CRACR2A: variants seen among roughly 807,000 people sequenced by gnomAD.
CRACR2A encodes the protein calcium release activated channel regulator 2A, also known as EF-hand calcium-binding domain-containing protein 4B.
A neutral mutation model predicts 90.5 loss-of-function variants in CRACR2A; 79 were observed. That is an observed-to-expected ratio of 0.87 (90% CI 0.73 to 1.05). The LOEUF (loss-of-function observed/expected upper bound fraction) is 1.05. CRACR2A is among the 50% of genes least tolerant of loss of function. The pLI, the probability that CRACR2A is intolerant of heterozygous loss-of-function variation, is 0.00. For synonymous variants in CRACR2A, 338 were observed against 356.7 expected, an observed-to-expected ratio of 0.95 and a Z score of 0.59; for missense variants, 823 against 897.2, an observed-to-expected ratio of 0.92 and a Z score of 1.06.
rs1944907097 is a variant in CRACR2A at position 3,656,328 on chromosome 12, T to C, written c.841A>G (p.Thr281Ala). 3.7e-6 allele frequency: 6 copies of C among 1,614,030 alleles called. No individual in the cohort carries two copies. In the South Asian group the frequency reaches 5.5e-5, roughly 15 times the overall value. ...LCKEQELEQL[T>A]QKQKRLEGQC... ...CAACATACCCTTTTCTGCTTCTGGGTGAGCTGCTCCAGCTCCTGCTCCTTA... is the reference window on the plus strand; with the variant it reads ...CAACATACCCTTTTCTGCTTCTGGGCGAGCTGCTCCAGCTCCTGCTCCTTA... Residue 281 changes from threonine (T) to alanine (A), a missense_variant, in exon 9 of 20, where the codon ACC becomes GCC. Thr to Ala is a moderately conservative substitution (Grantham distance 58). Transcript: ENST00000440314.
chr12:3,631,018 G>C (rs1053407488), intron 15 of CRACR2A, among the ~76,000 whole-genome samples: 4 of 152,210 alleles, frequency 2.6e-5, no homozygotes, highest in African/African-American at 9.6e-5. Flanking sequence ...TCTGGGGTTG[G>C]ATAGCTTTGG....
At chr12:3,700,865 A>C (rs945053098) in intron 3 of CRACR2A, among the ~76,000 whole-genome samples, 1 of 152,244 alleles carries the variant, frequency 6.6e-6, no homozygotes, top group Non-Finnish European at 1.5e-5. Context: ...TCTTGACTTA[A>C]TTGACATTTA....
chr12:3,741,092 C>T (rs1422955609), intron 1 of CRACR2A, among the ~76,000 whole-genome samples: 1 of 152,232 alleles, frequency 6.6e-6, no homozygotes. Context: ...GCAGGACACA[C>T]CCAGAATGAC....
At chr12:3,631,937 G>C (rs1944383318) in intron 15 of CRACR2A, among the ~76,000 whole-genome samples, 1 of 152,198 alleles carries the variant, frequency 6.6e-6, no homozygotes, top group Admixed American at 6.5e-5. Flanking sequence ...ACCCAGGCTT[G>C]GAGGCAGTCT....
intron 6 of CRACR2A, among the ~76,000 whole-genome samples, chr12:3,675,944 C>A (rs974299478): frequency 6.6e-6 from 1 of 152,172 alleles, no homozygotes; most frequent in Non-Finnish European, 1.5e-5. Context: ...ACTCTCTGCA[C>A]CCAGCAGAGA....
At chr12:3,634,592 G>A (rs147008543) in intron 14 of CRACR2A, among the ~76,000 whole-genome samples, 210 of 152,340 alleles carry the variant, frequency 1.4e-3, no homozygotes, top group Admixed American at 2.9e-3. Context: ...TTCATTCCAG[G>A]AGCTGCCGCT....
intron 10 of CRACR2A, among the ~76,000 whole-genome samples, chr12:3,649,014 T>A (rs1256656200): frequency 6.6e-6 from 1 of 150,680 alleles, no homozygotes; most frequent in African/African-American, 2.4e-5. Flanking sequence ...TTCTCACTCA[T>A]AGGTGGGAAT....
intron 11 of CRACR2A, among the ~76,000 whole-genome samples, chr12:3,647,285 C>T (rs1347132792): frequency 6.6e-6 from 1 of 151,390 alleles, no homozygotes; most frequent in African/African-American, 2.4e-5. Flanking sequence ...CTCCACCTCT[C>T]AGCTTTCATT....
At chr12:3,743,591 A>G (rs1247665716) in intron 1 of CRACR2A, among the ~76,000 whole-genome samples, 1 of 152,220 alleles carries the variant, frequency 6.6e-6, no homozygotes, top group East Asian at 1.9e-4. Context: ...GTCTGGTGTG[A>G]ACCCACACAA....
In CRACR2A at chr12:3,615,446, G is replaced by A. The variant is rs1867660405; in HGVS notation, c.2112-7C>T. On this transcript the variant is annotated splice_region_variant and splice_polypyrimidine_tract_variant and intron_variant, in intron 19 of 19. Transcript: ENST00000440314. Reference sequence around the variant, plus strand: ...TTCTTGCTCCTTGAGGAACCTGGGAGAGGGGAAGAGATCGTGTCAGTGATG... The same window carrying A: ...TTCTTGCTCCTTGAGGAACCTGGGAAAGGGGAAGAGATCGTGTCAGTGATG... 3.2e-6 allele frequency: 5 copies of A among 1,547,612 alleles called. No homozygotes were observed. Among genetic ancestry groups the A allele is most frequent in the Non-Finnish European group, 4.4e-6 (5 of 1,144,710 alleles).
At chr12:3,658,392 G>C (rs1944956629) in intron 8 of CRACR2A, among the ~76,000 whole-genome samples, 1 of 152,138 alleles carries the variant, frequency 6.6e-6, no homozygotes, top group Non-Finnish European at 1.5e-5. Flanking sequence ...GCGGGGAGGT[G>C]GGGTGGGGAG....
intron 8 of CRACR2A, among the ~76,000 whole-genome samples, 196 bp downstream of exon 8, chr12:3,659,368 G>A (rs540348233): frequency 6.6e-6 from 1 of 152,248 alleles, no homozygotes; most frequent in Middle Eastern, 3.4e-3. Context: ...AGCAGGAGGA[G>A]ATAGACACTC....
chr12:3,670,052 C>T lies in CRACR2A; in HGVS notation c.671+3394G>A, dbSNP rs370740494. ...TGTGCAGAATTTCCAGGCATCTAAG[C>T]GCTATCTCCTTGGTGTGATCATGAA... is the stretch of plus-strand genomic sequence containing the variant. On this transcript the variant is annotated intron_variant, in intron 7 of 19. Transcript: ENST00000440314. Among the ~76,000 whole-genome samples, 10 of 152,186 alleles carry T rather than the reference C, an allele frequency of 6.6e-5. No individual in the cohort carries two copies. In the East Asian group the frequency reaches 1.2e-3, roughly 18 times the overall value.
At chr12:3,735,995 T>C (rs996188841) in intron 1 of CRACR2A, among the ~76,000 whole-genome samples, 1 of 152,066 alleles carries the variant, frequency 6.6e-6, no homozygotes, top group African/African-American at 2.4e-5. Context: ...GCAAGACAAG[T>C]AAGCTGTGAA....
intron 13 of CRACR2A, among the ~76,000 whole-genome samples, chr12:3,639,995 T>C (rs974954784): frequency 1.3e-5 from 2 of 152,070 alleles, no homozygotes; most frequent in African/African-American, 4.8e-5. Flanking sequence ...CAACTACGCA[T>C]ACACACACAC....
At chr12:3,722,476 G>A (rs1348373762) in intron 2 of CRACR2A, among the ~76,000 whole-genome samples, 1 of 152,198 alleles carries the variant, frequency 6.6e-6, no homozygotes, top group Non-Finnish European at 1.5e-5. Context: ...CTAGACCCAT[G>A]AGAGGCCGTG....
At chr12:3,749,795 TTGTGTGTGTGTGTGTGTGTGTGTGTGTG>T (rs200387314) in intron 1 of CRACR2A, among the ~76,000 whole-genome samples, 8 of 144,578 alleles carry the variant, frequency 5.5e-5, no homozygotes, top group Non-Finnish European at 9.0e-5. Flanking sequence ...TGCTGTTTCT[TTGTGTGTGTGTGTGTGTGTGTGTGTGTG>T]TGTGTGTGTG....
chr12:3,678,782 G>A lies in CRACR2A; in HGVS notation c.524+133C>T, dbSNP rs984623643. On this transcript the variant is annotated intron_variant, in intron 6 of 19. Coordinates refer to ENST00000440314, the MANE Select transcript of CRACR2A (RefSeq NM_001144958.2). Reference sequence around the variant, plus strand: ...ACAGGCCCCCACTGGCAGAACCAGCGGGCCTTTACCTGCACTGCATTCCAG... The same window carrying A: ...ACAGGCCCCCACTGGCAGAACCAGCAGGCCTTTACCTGCACTGCATTCCAG... 4.1e-5 allele frequency: 37 copies of A among 893,732 alleles called. 1 individual carries two copies. The highest frequency in any genetic ancestry group is 2.5e-4 in the East Asian group (9 of 35,628). The allele number at this position is 893,732 out of a possible 1,614,324, so 55.4% of individuals were successfully genotyped here.
intron 1 of CRACR2A, among the ~76,000 whole-genome samples, chr12:3,738,632 TAAG>T (rs938190928): frequency 5.9e-5 from 9 of 152,112 alleles, no homozygotes; most frequent in African/African-American, 2.2e-4. Context: ...AAAGAGAACT[TAAG>T]AGACATGAAA....
Sources: allele counts gnomAD v4.1 joint callset (sites outside exome capture counted in the v4.1 genomes callset), GRCh38; gene constraint gnomAD v4.1.1; transcripts MANE v1.5; gene names NCBI Gene and HGNC (gene_info 2026-07-23, HGNC 2026-07-21).